The following LRRIQ1 variants were observed in gnomAD, a reference collection of about 807,000 sequenced individuals.
LRRIQ1 encodes leucine-rich repeat- and IQ domain-containing protein 1.
LRRIQ1 carries 210 observed loss-of-function variants against 211.9 expected under a neutral mutation model. That is an observed-to-expected ratio of 0.99 (90% CI 0.89 to 1.11). The LOEUF is 1.11. Among genes scored for constraint, LRRIQ1 ranks in the 50% most tolerant of loss-of-function variants. The probability of loss-of-function intolerance (pLI) is 0.00; values close to 1 mark genes in which losing one functional copy is unlikely to be tolerated. For missense variants in LRRIQ1, 2,136 were observed against 1,939.5 expected (o/e 1.10, Z -1.90); for synonymous variants, 699 against 650.1 (o/e 1.08, Z -1.14).
chr12:85,155,815 G>T (rs1162263124), intron 23 of LRRIQ1, among the ~76,000 whole-genome samples: 1 of 151,708 alleles, frequency 6.6e-6, no homozygotes, highest in Non-Finnish European at 1.5e-5. Flanking sequence ...GCCAACTCTT[G>T]TAATTGAGGG....
intron 24 of LRRIQ1, among the ~76,000 whole-genome samples, chr12:85,185,871 A>G (rs1442153869): frequency 6.6e-6 from 1 of 152,006 alleles, no homozygotes; most frequent in African/African-American, 2.4e-5. Flanking sequence ...ATCAAAAATT[A>G]CTTTTTTGAA....
At chr12:85,108,202 A>G (rs983293398) in intron 15 of LRRIQ1, among the ~76,000 whole-genome samples, 7 of 152,202 alleles carry the variant, frequency 4.6e-5, no homozygotes, top group African/African-American at 1.7e-4. Flanking sequence ...ACTTGGCACT[A>G]ATGCGATACT....
intron 23 of LRRIQ1, among the ~76,000 whole-genome samples, chr12:85,156,173 ATC>A (rs1890532636): frequency 6.6e-6 from 1 of 151,712 alleles, no homozygotes; most frequent in Non-Finnish European, 1.5e-5. Context: ...AAGGTTTTGT[ATC>A]TCTATGTATC....
intron 26 of LRRIQ1, among the ~76,000 whole-genome samples, chr12:85,240,819 G>A (rs1386399180): frequency 6.6e-6 from 1 of 152,060 alleles, no homozygotes; most frequent in African/African-American, 2.4e-5. Context: ...CGTAATTATA[G>A]TAATAGAGAA....
intron 24 of LRRIQ1, among the ~76,000 whole-genome samples, chr12:85,194,925 G>A (rs1355880039): frequency 6.6e-6 from 1 of 152,022 alleles, no homozygotes; most frequent in Non-Finnish European, 1.5e-5. Context: ...TAGACCGCTA[G>A]CAAGACTAAT....
At chr12:85,047,168 A>G in intron 5 of LRRIQ1, 79 bp from the exon 6 acceptor site, 1 of 985,086 alleles carries the variant, frequency 1.0e-6, no homozygotes, top group Non-Finnish European at 1.5e-6. Flanking sequence ...AAAATTAAAA[A>G]AATTACTTTT....
intron 17 of LRRIQ1, among the ~76,000 whole-genome samples, chr12:85,126,965 A>G (rs2136463246): frequency 6.6e-6 from 1 of 152,304 alleles, no homozygotes; most frequent in Non-Finnish European, 1.5e-5. Context: ...ATTTCAAGGG[A>G]GCATTAGGAA....
At chr12:85,245,888 T>G (rs111772799), downstream of LRRIQ1, among the ~76,000 whole-genome samples, 11,845 of 150,662 alleles carry the variant, frequency 0.079, 1,118 homozygotes, top group African/African-American at 0.23. Flanking sequence ...CATATATATA[T>G]AGAGAGAGAG....
chr12:85,247,819 C>G (rs185027292), downstream of LRRIQ1, among the ~76,000 whole-genome samples: 62 of 144,838 alleles, frequency 4.3e-4, no homozygotes, highest in African/African-American at 1.4e-3. Context: ...GAGGAGTATA[C>G]TTTGAACATA....
At chr12:85,198,545 A>G (rs1481961957) in intron 24 of LRRIQ1, among the ~76,000 whole-genome samples, 1 of 149,236 alleles carries the variant, frequency 6.7e-6, no homozygotes, top group East Asian at 2.0e-4. Flanking sequence ...TTTAATTAGT[A>G]TTTCTCTAAT....
At chr12:85,244,708 T>G in intron 26 of LRRIQ1, 81 bp from the exon 27 acceptor site, 2 of 1,201,092 alleles carry the variant, frequency 1.7e-6, no homozygotes, top group Non-Finnish European at 2.4e-6. Flanking sequence ...CCTGTTTGTT[T>G]ATTTGGGGTA....
At chr12:85,055,028 GAT>G (rs992451975) in intron 7 of LRRIQ1, among the ~76,000 whole-genome samples, 1 of 152,112 alleles carries the variant, frequency 6.6e-6, no homozygotes, top group African/African-American at 2.4e-5. Context: ...GAAGGGATAA[GAT>G]ATGTGAGTAG....
intron 24 of LRRIQ1, among the ~76,000 whole-genome samples, chr12:85,188,015 C>G (rs963620415): frequency 3.3e-5 from 5 of 151,908 alleles, no homozygotes; most frequent in African/African-American, 9.7e-5. Context: ...ATCACACACA[C>G]AGAAGTATAC....
chr12:85,220,760 C>CATTAGGTAT (rs1480356467), intron 24 of LRRIQ1, among the ~76,000 whole-genome samples: 8 of 150,846 alleles, frequency 5.3e-5, no homozygotes, highest in Non-Finnish European at 1.0e-4. Context: ...CGTCATTTAG[C>CATTAGGTAT]ATTAGGTATA....
At chr12:85,162,216 C>T (rs1890924237) in intron 24 of LRRIQ1, among the ~76,000 whole-genome samples, 1 of 151,652 alleles carries the variant, frequency 6.6e-6, no homozygotes, top group African/African-American at 2.4e-5. Context: ...GCCCATTATC[C>T]ATGTCAAAAC....
At chr12:85,138,596 C>T (rs1889310477) in intron 19 of LRRIQ1, among the ~76,000 whole-genome samples, 1 of 151,452 alleles carries the variant, frequency 6.6e-6, no homozygotes, top group South Asian at 2.1e-4. Context: ...TTATCCTAAA[C>T]TGCATTTGGC....
At chr12:85,038,658 T>A (rs1878485455) in intron 2 of LRRIQ1, among the ~76,000 whole-genome samples, 1 of 151,704 alleles carries the variant, frequency 6.6e-6, no homozygotes, top group Non-Finnish European at 1.5e-5. Context: ...AATGTTTATA[T>A]GCTTCAGAGT....
chr12:85,203,976 A>G lies in LRRIQ1; in HGVS notation c.4823-25541A>G, dbSNP rs966492442. 1.3e-4 allele frequency among the ~76,000 whole-genome samples: 20 copies of G among 152,240 alleles called. No individual in the cohort carries two copies. The South Asian group carries it at 2.1e-3, about 16-fold the overall frequency. ...CCAGGGCATGTCAGAGATCTTCACG[A>G]CAGCCCCTCCCATCACAGGCCTGAA... On this transcript the variant is annotated intron_variant, in intron 24 of 26. Coordinates refer to ENST00000393217, the MANE Select transcript of LRRIQ1 (RefSeq NM_001079910.2).
At chr12:85,039,684 C>T (rs1381841372) in intron 2 of LRRIQ1, among the ~76,000 whole-genome samples, 1 of 151,468 alleles carries the variant, frequency 6.6e-6, no homozygotes, top group Non-Finnish European at 1.5e-5. Flanking sequence ...GTATGGCAGA[C>T]AATATTTGTT....
Sources: allele counts gnomAD v4.1 joint callset (sites outside exome capture counted in the v4.1 genomes callset), GRCh38; gene constraint gnomAD v4.1.1; transcripts MANE v1.5; gene names NCBI Gene and HGNC (gene_info 2026-07-23, HGNC 2026-07-21).